The following ZCCHC7 variants were observed in gnomAD, a reference collection of about 807,000 sequenced individuals.
The protein encoded by ZCCHC7 is zinc finger CCHC domain-containing protein 7.
In ZCCHC7, 35 loss-of-function variants were observed where a neutral mutation model predicts 52.0. That is an observed-to-expected ratio of 0.67 (90% CI 0.51 to 0.89). ZCCHC7 has a LOEUF of 0.89. ZCCHC7 is among the 40% of genes least tolerant of loss of function. ZCCHC7 has a pLI of 0.00. For missense variants in ZCCHC7, 574 were observed against 649.1 expected, an observed-to-expected ratio of 0.88 and a Z score of 1.26; for synonymous variants, 217 against 221.5, an observed-to-expected ratio of 0.98 and a Z score of 0.18.
intron 6 of ZCCHC7, among the ~76,000 whole-genome samples, chr9:37,330,139 T>C (rs1354824303): frequency 6.6e-6 from 1 of 151,700 alleles, no homozygotes; most frequent in Non-Finnish European, 1.5e-5. Context: ...AAAAAGTCTA[T>C]AGGTTAAACA....
At chr9:37,199,878 G>A (rs1823535223) in intron 2 of ZCCHC7, among the ~76,000 whole-genome samples, 1 of 151,048 alleles carries the variant, frequency 6.6e-6, no homozygotes, top group Non-Finnish European at 1.5e-5. Flanking sequence ...CTAATTTTTT[G>A]TATTTTTAGT....
chr9:37,322,540 T>C, intron 5 of ZCCHC7, among the ~76,000 whole-genome samples: 1 of 151,978 alleles, frequency 6.6e-6, no homozygotes, highest in East Asian at 1.9e-4. Flanking sequence ...ATTTTAAGAT[T>C]TTTGTATTCC....
At chr9:37,133,185 G>A (rs915097001) in intron 2 of ZCCHC7, among the ~76,000 whole-genome samples, 6 of 152,070 alleles carry the variant, frequency 3.9e-5, no homozygotes, top group Non-Finnish European at 8.8e-5. Flanking sequence ...GAAAGTTTAC[G>A]AATTTGTGTT....
At chr9:37,306,578 G>T (rs1244927998) in intron 5 of ZCCHC7, among the ~76,000 whole-genome samples, 8 of 151,302 alleles carry the variant, frequency 5.3e-5, no homozygotes, top group Non-Finnish European at 1.2e-4. Context: ...CGATTCTCCT[G>T]CCTCAGCCTC....
chr9:37,157,290 C>T (rs1025524056), intron 2 of ZCCHC7, among the ~76,000 whole-genome samples: 9 of 151,076 alleles, frequency 6.0e-5, no homozygotes, highest in African/African-American at 2.2e-4. Flanking sequence ...TGAGCCCAGG[C>T]GTTTGAAACT....
chr9:37,356,217 C>A (rs890726858), intron 8 of ZCCHC7, among the ~76,000 whole-genome samples: 3 of 152,166 alleles, frequency 2.0e-5, no homozygotes, highest in African/African-American at 7.2e-5. Context: ...CCCACCTACC[C>A]GTATCAGAAT....
intron 2 of ZCCHC7, among the ~76,000 whole-genome samples, chr9:37,281,841 A>T (rs1827972221): frequency 6.6e-6 from 1 of 152,228 alleles, no homozygotes; most frequent in South Asian, 2.1e-4. Context: ...TGAGAACTCT[A>T]TCATAAAACA....
chr9:37,227,277 ACAATC>A (rs1825163238), intron 2 of ZCCHC7, among the ~76,000 whole-genome samples: 1 of 152,218 alleles, frequency 6.6e-6, no homozygotes, highest in South Asian at 2.1e-4. Context: ...AATGAGATGA[ACAATC>A]CAAGTAAACA....
At chr9:37,260,303 C>T (rs1826805052) in intron 2 of ZCCHC7, among the ~76,000 whole-genome samples, 1 of 152,206 alleles carries the variant, frequency 6.6e-6, no homozygotes, top group African/African-American at 2.4e-5. Flanking sequence ...CAGTCCTGGC[C>T]ACTGCCTTGA....
At chr9:37,185,938 A>G (rs990376402) in intron 2 of ZCCHC7, among the ~76,000 whole-genome samples, 1 of 128,064 alleles carries the variant, frequency 7.8e-6, no homozygotes, top group Non-Finnish European at 1.8e-5. Flanking sequence ...TTATTTATTT[A>G]TTTATTTATT....
intron 2 of ZCCHC7, among the ~76,000 whole-genome samples, chr9:37,159,186 G>A (rs1190653309): frequency 2.0e-5 from 3 of 152,198 alleles, no homozygotes; most frequent in Non-Finnish European, 4.4e-5. Context: ...GTTAGGTCCA[G>A]AGGAACAGAA....
intron 2 of ZCCHC7, among the ~76,000 whole-genome samples, chr9:37,191,206 G>A (rs536821603): frequency 4.1e-4 from 63 of 152,222 alleles, no homozygotes; most frequent in Non-Finnish European, 7.8e-4. Context: ...TATGGAAAAA[G>A]TAATTTTACC....
At chr9:37,162,545 C>G (rs1007215844) in intron 2 of ZCCHC7, among the ~76,000 whole-genome samples, 31 of 152,188 alleles carry the variant, frequency 2.0e-4, no homozygotes, top group Non-Finnish European at 4.3e-4. Flanking sequence ...AATTGAGATT[C>G]ATCCATAAAG....
chr9:37,218,043 T>G (rs1386407601), intron 2 of ZCCHC7, among the ~76,000 whole-genome samples: 3 of 152,198 alleles, frequency 2.0e-5, no homozygotes, highest in Non-Finnish European at 2.9e-5. Flanking sequence ...ACTCTGATAT[T>G]AAAATTTAGC....
At chr9:37,263,012 T>G (rs1378091583) in intron 2 of ZCCHC7, among the ~76,000 whole-genome samples, 4 of 152,232 alleles carry the variant, frequency 2.6e-5, no homozygotes, top group Non-Finnish European at 4.4e-5. Context: ...TAGAAGATTT[T>G]TTGTTACATA....
At chr9:37,255,254 G>T (rs1221243742) in intron 2 of ZCCHC7, among the ~76,000 whole-genome samples, 1 of 152,040 alleles carries the variant, frequency 6.6e-6, no homozygotes, top group Non-Finnish European at 1.5e-5. Context: ...GTGTTGATGT[G>T]AAATTATGAG....
chr9:37,234,043 A>G (rs771119585), intron 2 of ZCCHC7, among the ~76,000 whole-genome samples: 10 of 150,794 alleles, frequency 6.6e-5, no homozygotes, highest in Non-Finnish European at 1.3e-4. Flanking sequence ...TAGTAGAGAC[A>G]GGGTTTCACT....
At chr9:37,139,374 G>A (rs1843126835) in intron 2 of ZCCHC7, among the ~76,000 whole-genome samples, 1 of 151,908 alleles carries the variant, frequency 6.6e-6, no homozygotes, top group Admixed American at 6.6e-5. Context: ...ATATGCTTAA[G>A]AATACTTAAA....
At chr9:37,233,802 A>G (rs1249994065) in intron 2 of ZCCHC7, among the ~76,000 whole-genome samples, 1 of 152,178 alleles carries the variant, frequency 6.6e-6, no homozygotes, top group East Asian at 1.9e-4. Context: ...ACCAAAGGAA[A>G]GAAAGAAAAA....
Sources: allele counts gnomAD v4.1 joint callset (sites outside exome capture counted in the v4.1 genomes callset), GRCh38; gene constraint gnomAD v4.1.1; transcripts MANE v1.5; gene names NCBI Gene and HGNC (gene_info 2026-07-23, HGNC 2026-07-21).